Variants in ASPA observed in about 807,000 individuals in gnomAD.
The protein encoded by ASPA is ACY-2.
In ASPA, 25 loss-of-function variants were observed where a neutral mutation model predicts 29.6. The observed-to-expected ratio is 0.85, with a 90% CI of 0.62 to 1.18. The LOEUF (loss-of-function observed/expected upper bound fraction) is 1.18. Among genes scored for constraint, ASPA ranks in the 50% most tolerant of loss-of-function variants. The pLI, the probability that ASPA is intolerant of heterozygous loss-of-function variation, is 0.00. For synonymous variants in ASPA, 131 were observed against 130.3 expected (o/e 1.01, Z -0.04); for missense variants, 333 against 385.7 (o/e 0.86, Z 1.14).
intron 1 of ASPA, among the ~76,000 whole-genome samples, chr17:3,477,308 C>G (rs938392172): frequency 6.6e-5 from 10 of 152,160 alleles, no homozygotes; most frequent in African/African-American, 2.4e-4. Flanking sequence ...TTATATTTTG[C>G]TGATTTGTAA....
At chr17:3,491,065 G>A (rs2073816189) in intron 4 of ASPA, among the ~76,000 whole-genome samples, 1 of 152,142 alleles carries the variant, frequency 6.6e-6, no homozygotes, top group African/African-American at 2.4e-5. Flanking sequence ...TGTGTAGAAG[G>A]GCTTCATTCT....
At chr17:3,478,171 C>A (rs148634426) in intron 1 of ASPA, among the ~76,000 whole-genome samples, 1 of 151,124 alleles carries the variant, frequency 6.6e-6, no homozygotes, top group Admixed American at 6.6e-5. Flanking sequence ...GGTGACAGAG[C>A]GAGACTCCGT....
intron 2 of ASPA, among the ~76,000 whole-genome samples, chr17:3,482,768 CTT>C (rs66953301): frequency 8.2e-5 from 12 of 147,030 alleles, no homozygotes; most frequent in East Asian, 5.9e-4. Context: ...TGTAGCGATT[CTT>C]TTTTTTTTTA....
At chr17:3,496,506 A>G (rs937994792) in intron 5 of ASPA, among the ~76,000 whole-genome samples, 2 of 152,222 alleles carry the variant, frequency 1.3e-5, no homozygotes, top group Non-Finnish European at 2.9e-5. Context: ...CTGAGGCTGG[A>G]ACAAACTTGG....
At position 3,500,858 on chromosome 17, in the gene ASPA, T is replaced by C. The variant is rs2150765981; in HGVS notation, c.*1770T>C. 1 of 152,192 alleles carries C rather than the reference T, an allele frequency of 6.6e-6. No individual in the cohort carries two copies. The highest frequency in any genetic ancestry group is 2.1e-4 in the South Asian group (1 of 4,830). 9.4% of individuals were successfully genotyped at this position (152,192 alleles called of 1,614,324 possible). A position where few individuals can be genotyped will look rare whatever the true frequency, so the allele number is the denominator to read the frequency against. The stretch of plus-strand genomic sequence containing the variant: ...CTAAACCTGCTGTGTCTGAGCTCTA[T>C]AAATGGAACAACAAAGCCTCGCTGG... On this transcript the variant is annotated 3_prime_UTR_variant, in exon 6 of 6. Transcript: ENST00000263080.
intron 3 of ASPA, among the ~76,000 whole-genome samples, chr17:3,484,293 G>A (rs1426313751): frequency 1.3e-5 from 2 of 152,144 alleles, no homozygotes; most frequent in African/African-American, 2.4e-5. Flanking sequence ...CCTGTGCTAG[G>A]TGCGGGGGAC....
Position 3,489,247 on chromosome 17 carries a change from G to T in ASPA, c.539G>T (p.Gly180Val), listed in dbSNP as rs1014551540. The T allele has an allele frequency of 2.5e-6, 4 of 1,610,862 alleles. No individual in the cohort carries two copies. The African/African-American group carries it at 5.3e-5, about 22-fold the overall frequency. ...IAKYPVGIEVGPQPQGVLRAD... is the reference protein window; with the variant it reads ...IAKYPVGIEVVPQPQGVLRAD... ...CTTCTGTACCTAGGTATAGAAGTTG[G>T]TCCTCAGCCTCAAGGGGTTCTGAGA... The change falls in exon 4 of 6, where the codon GGT becomes GTT. Residue 180 changes from glycine (G) to valine (V), a missense_variant. Transcript: ENST00000263080.
chr17:3,498,858 T>C (rs2073952780), intron 5 of ASPA, 33 bp from the exon 6 acceptor site: 3 of 1,469,636 alleles, frequency 2.0e-6, no homozygotes, highest in Non-Finnish European at 2.7e-6. Flanking sequence ...AAAAACCAAA[T>C]ATAATATATT....
chr17:3,476,166 T>C lies in ASPA; in HGVS notation c.7T>C (p.Ser3Pro). ...ATAAAAACTACTTGGTGAAATGACT[T>C]CTTGTCACATTGCTGAAGAACATAT... MTSCHIAEEHIQK... is the reference protein window; with the variant it reads MTPCHIAEEHIQK... Residue 3 changes from serine (S) to proline (P), a missense_variant, in exon 1 of 6, where the codon TCT becomes CCT. Ser to Pro is a moderately conservative substitution (Grantham distance 74). Transcript: ENST00000263080. The C allele has an allele frequency of 6.2e-7, 1 of 1,613,634 alleles. No individual in the cohort carries two copies. Among genetic ancestry groups the C allele is most frequent in the Non-Finnish European group, 8.5e-7 (1 of 1,179,758 alleles).
chr17:3,479,209 T>C (rs1243093380), intron 1 of ASPA, among the ~76,000 whole-genome samples: 1 of 152,204 alleles, frequency 6.6e-6, no homozygotes, highest in Non-Finnish European at 1.5e-5. Context: ...CTTGGGACTC[T>C]TCCAATGGGA....
At chr17:3,479,398 T>G (rs2073588874) in intron 1 of ASPA, among the ~76,000 whole-genome samples, 1 of 152,224 alleles carries the variant, frequency 6.6e-6, no homozygotes, top group Non-Finnish European at 1.5e-5. Context: ...TTAAAATGTA[T>G]AAATATCCAT....
chr17:3,487,073 C>CATGTGTGT (rs141155264), intron 3 of ASPA, among the ~76,000 whole-genome samples: 206 of 150,880 alleles, frequency 1.4e-3, no homozygotes, highest in Non-Finnish European at 2.3e-3. Context: ...TGTGTGTGTG[C>CATGTGTGT]GTGTGTGTGT....
rs748867739 is a variant in ASPA at position 3,503,148 on chromosome 17, A to G, written c.*4060A>G. The G allele has an allele frequency of 4.6e-5, 7 of 152,176 alleles. No individual in the cohort carries two copies. The highest frequency in any genetic ancestry group is 1.0e-4 in the Non-Finnish European group (7 of 68,036). The allele number at this position is 152,176 out of a possible 1,614,324, so 9.4% of individuals were successfully genotyped here. A position where few individuals can be genotyped will look rare whatever the true frequency, so the allele number is the denominator to read the frequency against. On this transcript the variant is annotated 3_prime_UTR_variant, in exon 6 of 6. Coordinates refer to ENST00000263080, the MANE Select transcript of ASPA (RefSeq NM_000049.4). ...TTTTATTCCATGATCTGTACCCCCA[A>G]TGAATCCATAATCATAGTTTCAAAT...
intron 4 of ASPA, among the ~76,000 whole-genome samples, chr17:3,489,717 ATG>A (rs2073789579): frequency 6.6e-6 from 1 of 152,234 alleles, no homozygotes; most frequent in African/African-American, 2.4e-5. Flanking sequence ...GCGTTGGTAA[ATG>A]TGTAGGAAAA....
chr17:3,492,634 C>T (rs1289446590), intron 4 of ASPA, among the ~76,000 whole-genome samples: 1 of 152,192 alleles, frequency 6.6e-6, no homozygotes, highest in Non-Finnish European at 1.5e-5. Context: ...TCTCTTCCTG[C>T]TCTTGGAAAC....
At position 3,501,319 on chromosome 17, in the gene ASPA, C is replaced by T. The variant is rs1221682903; in HGVS notation, c.*2231C>T. The T allele has an allele frequency of 6.6e-6, 1 of 152,150 alleles. No homozygotes were observed. The highest frequency in any genetic ancestry group is 1.9e-4 in the East Asian group (1 of 5,196). The allele number at this position is 152,150 out of a possible 1,614,324, so 9.4% of individuals were successfully genotyped here. A position where few individuals can be genotyped will look rare whatever the true frequency, so the allele number is the denominator to read the frequency against. On this transcript the variant is annotated 3_prime_UTR_variant, in exon 6 of 6. Transcript: ENST00000263080. ...ACATTCAGGATCCGTGGGAGGAGAT[C>T]AAAATATCAACATTAACAGGAGTTT...
intron 1 of ASPA, among the ~76,000 whole-genome samples, chr17:3,478,078 G>A (rs1399922925): frequency 6.6e-5 from 10 of 151,778 alleles, no homozygotes; most frequent in Non-Finnish European, 8.8e-5. Context: ...CCAGCTATTC[G>A]GGAGACTGAG....
intron 2 of ASPA, among the ~76,000 whole-genome samples, chr17:3,483,234 G>T (rs2073664806): frequency 6.6e-6 from 1 of 152,016 alleles, no homozygotes; most frequent in South Asian, 2.1e-4. Flanking sequence ...CATGTTTTTT[G>T]ATCATGGTTC....
In ASPA at chr17:3,488,518, A is replaced by G. The variant is rs1438134700; in HGVS notation, c.527-717A>G. Among the ~76,000 whole-genome samples the G allele has an allele frequency of 6.6e-6, 1 of 152,106 alleles. No individual in the cohort carries two copies. Among genetic ancestry groups the G allele is most frequent in the East Asian group, 1.9e-4 (1 of 5,174 alleles). ...CTAAAAATATAAAAATAAGCCAGGA[A>G]TGGTGGCCCGTGCCTGTAATCCCAG... On this transcript the variant is annotated intron_variant, in intron 3 of 5. Coordinates refer to ENST00000263080, the MANE Select transcript of ASPA (RefSeq NM_000049.4). The surrounding 1 kb of genome is among the most constrained non-coding windows in gnomAD (Gnocchi z 6.1).
Sources: allele counts gnomAD v4.1 joint callset (sites outside exome capture counted in the v4.1 genomes callset), GRCh38; gene constraint gnomAD v4.1.1; non-coding constraint Gnocchi (gnomAD v3.1); transcripts MANE v1.5; gene names NCBI Gene and HGNC (gene_info 2026-07-23, HGNC 2026-07-21).